The following NKAIN2 variants were observed in gnomAD, a reference collection of about 807,000 sequenced individuals.
NKAIN2 encodes the protein sodium/potassium-transporting ATPase subunit beta-1-interacting protein 2.
In NKAIN2, 14 loss-of-function variants were observed where a neutral mutation model predicts 32.6. The observed-to-expected ratio is 0.43, with a 90% CI of 0.28 to 0.67. The LOEUF (loss-of-function observed/expected upper bound fraction) is 0.67. Ranked by LOEUF, NKAIN2 falls within the 30% of genes least tolerant of loss-of-function variation. NKAIN2 has a pLI of 0.17. For missense variants in NKAIN2, 198 were observed against 258.3 expected (o/e 0.77, Z 1.60); for synonymous variants, 80 against 87.2 (o/e 0.92, Z 0.46).
chr6:123,849,287 T>C (rs1298824270), intron 1 of NKAIN2, among the ~76,000 whole-genome samples: 2 of 152,208 alleles, frequency 1.3e-5, no homozygotes, highest in African/African-American at 2.4e-5. Context: ...CTTGAGGTAA[T>C]TCATGTAAAA....
chr6:124,165,731 T>C (rs1788502608), intron 1 of NKAIN2, among the ~76,000 whole-genome samples: 1 of 149,376 alleles, frequency 6.7e-6, no homozygotes, highest in South Asian at 2.2e-4. Context: ...GTGTTCTCAT[T>C]GTTCAATTCC....
intron 1 of NKAIN2, among the ~76,000 whole-genome samples, chr6:124,007,688 A>C (rs1164793046): frequency 6.6e-6 from 1 of 152,214 alleles, no homozygotes; most frequent in Non-Finnish European, 1.5e-5. Flanking sequence ...ATGTTATTAC[A>C]TGCGGATCTC....
intron 4 of NKAIN2, among the ~76,000 whole-genome samples, chr6:124,775,949 A>C (rs1778966969): frequency 6.6e-6 from 1 of 152,174 alleles, no homozygotes; most frequent in Admixed American, 6.5e-5. Context: ...CAGCAACAAA[A>C]GTTTGTCATT....
At chr6:124,302,068 T>A (rs1235896119) in intron 2 of NKAIN2, among the ~76,000 whole-genome samples, 3 of 152,166 alleles carry the variant, frequency 2.0e-5, no homozygotes, top group Non-Finnish European at 2.9e-5. Flanking sequence ...CAGAGATAAC[T>A]GAATCATGGG....
At chr6:124,681,470 ATAAT>A (rs1243921129) in intron 4 of NKAIN2, among the ~76,000 whole-genome samples, 1 of 152,040 alleles carries the variant, frequency 6.6e-6, no homozygotes, top group Non-Finnish European at 1.5e-5. Flanking sequence ...AGTTCAGAGA[ATAAT>A]TAATAGCTTG....
At chr6:124,349,096 A>AC (rs1352481145) in intron 2 of NKAIN2, among the ~76,000 whole-genome samples, 1 of 152,066 alleles carries the variant, frequency 6.6e-6, no homozygotes, top group Non-Finnish European at 1.5e-5. Flanking sequence ...GTAGGAAAAA[A>AC]CCGGGTTCTT....
At chr6:123,866,237 A>C (rs185891661) in intron 1 of NKAIN2, among the ~76,000 whole-genome samples, 24 of 152,154 alleles carry the variant, frequency 1.6e-4, no homozygotes, top group Admixed American at 5.9e-4. Flanking sequence ...TCCTTTTGAC[A>C]ACTCCATCCT....
intron 3 of NKAIN2, among the ~76,000 whole-genome samples, chr6:124,539,785 ATCTC>A (rs1779843899): frequency 6.6e-6 from 1 of 151,936 alleles, no homozygotes; most frequent in African/African-American, 2.4e-5. Flanking sequence ...CAGTGGCGTG[ATCTC>A]GTCTCACTGC....
At chr6:124,128,407 A>T (rs1786292960) in intron 1 of NKAIN2, among the ~76,000 whole-genome samples, 1 of 152,324 alleles carries the variant, frequency 6.6e-6, no homozygotes, top group East Asian at 1.9e-4. Flanking sequence ...ACATGTAGTT[A>T]TGGGCTACTA....
intron 3 of NKAIN2, among the ~76,000 whole-genome samples, chr6:124,468,740 T>C (rs1341463000): frequency 6.6e-6 from 1 of 152,150 alleles, no homozygotes; most frequent in Non-Finnish European, 1.5e-5. Context: ...CGATGAAACT[T>C]ATATATGGGC....
intron 2 of NKAIN2, among the ~76,000 whole-genome samples, chr6:124,324,828 C>T (rs1797348212): frequency 1.3e-5 from 2 of 151,902 alleles, no homozygotes; most frequent in Non-Finnish European, 1.5e-5. Context: ...ATGATATAAT[C>T]ATGCAATTTT....
chr6:124,764,545 G>A (rs1035390913), intron 4 of NKAIN2, among the ~76,000 whole-genome samples: 2 of 152,106 alleles, frequency 1.3e-5, no homozygotes, highest in Non-Finnish European at 2.9e-5. Flanking sequence ...GGATAAAAAT[G>A]GTTAAGAATC....
intron 3 of NKAIN2, among the ~76,000 whole-genome samples, chr6:124,423,455 T>C (rs1774844856): frequency 6.6e-6 from 1 of 152,214 alleles, no homozygotes; most frequent in African/African-American, 2.4e-5. Context: ...AAGGAGCACA[T>C]ATTTATGTTT....
chr6:124,398,693 C>A (rs1481551920), intron 3 of NKAIN2, among the ~76,000 whole-genome samples: 1 of 152,060 alleles, frequency 6.6e-6, no homozygotes, highest in African/African-American at 2.4e-5. Flanking sequence ...ATGTTATCAA[C>A]CTAAGGTGAG....
intron 4 of NKAIN2, among the ~76,000 whole-genome samples, chr6:124,688,402 A>T (rs1308844705): frequency 1.3e-5 from 2 of 151,932 alleles, no homozygotes; most frequent in Non-Finnish European, 2.9e-5. Context: ...GCCCCTCCAC[A>T]TGCACAGCCT....
intron 3 of NKAIN2, among the ~76,000 whole-genome samples, chr6:124,454,774 ATATG>A (rs1206775865): frequency 6.6e-6 from 1 of 152,068 alleles, no homozygotes; most frequent in African/African-American, 2.4e-5. Context: ...ATTGAAATAT[ATATG>A]AAGAAAACTG....
chr6:124,498,525 A>G (rs1177094661), intron 3 of NKAIN2, among the ~76,000 whole-genome samples: 1 of 152,194 alleles, frequency 6.6e-6, no homozygotes, highest in Non-Finnish European at 1.5e-5. Flanking sequence ...CCCTGTCTCC[A>G]TTAAAGCACA....
intron 1 of NKAIN2, among the ~76,000 whole-genome samples, chr6:124,079,712 A>G (rs1380694856): frequency 1.3e-5 from 2 of 152,150 alleles, no homozygotes; most frequent in Non-Finnish European, 2.9e-5. Context: ...GCATGTAAAC[A>G]GATCACAGGC....
intron 5 of NKAIN2, among the ~76,000 whole-genome samples, chr6:124,812,438 T>G (rs1004717120): frequency 1.6e-4 from 25 of 152,168 alleles, no homozygotes; most frequent in African/African-American, 6.0e-4. Flanking sequence ...CTGAGGCTAA[T>G]GTAGTAAACA....
Sources: allele counts gnomAD v4.1 joint callset (sites outside exome capture counted in the v4.1 genomes callset), GRCh38; gene constraint gnomAD v4.1.1; transcripts MANE v1.5; gene names NCBI Gene and HGNC (gene_info 2026-07-23, HGNC 2026-07-21).